The following UTP20 variants were observed in gnomAD, a reference collection of about 807,000 sequenced individuals.
The protein encoded by UTP20 is small subunit processome component 20 homolog.
Under a neutral mutation model 329.5 loss-of-function variants are expected in UTP20, and 164 were observed. The ratio of observed to expected loss-of-function variants is 0.50; its 90% CI spans 0.44 to 0.57. UTP20 has a LOEUF of 0.57. Among genes scored for constraint, UTP20 ranks in the 20% least tolerant of loss-of-function variants. The pLI is 0.00. For missense variants in UTP20, 3,055 were observed against 3,284.2 expected, an observed-to-expected ratio of 0.93 and a Z score of 1.71; for synonymous variants, 1,151 against 1,159.3, an observed-to-expected ratio of 0.99 and a Z score of 0.14.
intron 7 of UTP20, 104 bp from the exon 8 acceptor site, chr12:101,290,629 G>T: frequency 2.3e-6 from 3 of 1,314,066 alleles, no homozygotes; most frequent in South Asian, 1.7e-5. Context: ...GACTATTCCA[G>T]ACCTGATTTT....
intron 56 of UTP20, among the ~76,000 whole-genome samples, chr12:101,376,979 C>T: frequency 6.6e-6 from 1 of 152,048 alleles, no homozygotes; most frequent in Non-Finnish European, 1.5e-5. Flanking sequence ...ACAGGTTTCA[C>T]CATGTTAGCC....
Position 101,354,187 on chromosome 12 carries a change from A to G in UTP20, c.5108-645A>G, listed in dbSNP as rs536684536. 7.4e-5 allele frequency among the ~76,000 whole-genome samples: 11 copies of G among 148,524 alleles called. No individual in the cohort carries two copies. In the South Asian group the frequency reaches 1.7e-3, roughly 23 times the overall value. On this transcript the variant is annotated intron_variant, in intron 40 of 61. Coordinates refer to ENST00000261637, the MANE Select transcript of UTP20 (RefSeq NM_014503.3). ...TAAGGCATGAGAATTGCTTGAACCC[A>G]GGAGGCAGATGTTGCGGTAAGCTGA...
chr12:101,321,746 T>A, intron 25 of UTP20, 117 bp downstream of exon 25: 2 of 1,311,400 alleles, frequency 1.5e-6, no homozygotes, highest in Non-Finnish European at 2.0e-6. Context: ...TATTTTCTTT[T>A]GATTGCATTT....
Position 101,374,777 on chromosome 12 carries a change from T to C in UTP20, c.7132-31T>C, listed in dbSNP as rs559730418. The stretch of plus-strand genomic sequence containing the variant: ...TTCAGTAAAGGCCTCCCAAGTTCTC[T>C]TGACATTGTCTTGTGGTTTATTTTT... On this transcript the variant is annotated intron_variant, in intron 54 of 61. Transcript: ENST00000261637. 5 of 882,298 alleles carry C rather than the reference T, an allele frequency of 5.7e-6. No individual in the cohort carries two copies. In the South Asian group the frequency reaches 6.8e-5, roughly 12 times the overall value. The allele number at this position is 882,298 out of a possible 1,614,324, so 54.7% of individuals were successfully genotyped here. A position where few individuals can be genotyped will look rare whatever the true frequency, so the allele number is the denominator to read the frequency against.
In UTP20 at chr12:101,362,065, G is replaced by C; in HGVS notation, c.5790+5G>C. On this transcript the variant is annotated splice_donor_5th_base_variant and intron_variant, in intron 44 of 61. Transcript: ENST00000261637. ...TGTTTAGATATAATGATTGAGGTAA[G>C]ACTTACAGAAACGAATTCTAATTTT... is the stretch of plus-strand genomic sequence containing the variant. 3 of 1,605,770 alleles carry C rather than the reference G, an allele frequency of 1.9e-6. No individual in the cohort carries two copies.
intron 21 of UTP20, among the ~76,000 whole-genome samples, chr12:101,312,867 A>G (rs2137253708): frequency 6.6e-6 from 1 of 152,368 alleles, no homozygotes; most frequent in African/African-American, 2.4e-5. Flanking sequence ...TCAAAATTTA[A>G]CCAGCACACC....
chr12:101,383,003 A>AT (rs1565810637), intron 58 of UTP20, 38 bp from the exon 59 acceptor site: 1 of 1,559,192 alleles, frequency 6.4e-7, no homozygotes, highest in Non-Finnish European at 8.6e-7. Context: ...TTCAAAATCA[A>AT]TGTCCAATTT....
chr12:101,320,718 T>TA, intron 23 of UTP20, 134 bp from the exon 24 acceptor site: 1 of 570,090 alleles, frequency 1.8e-6, no homozygotes, highest in South Asian at 3.7e-5. Flanking sequence ...AAGCTGTTGT[T>TA]AGCAATCAGG....
intron 41 of UTP20, 32 bp downstream of exon 41, chr12:101,355,150 G>T (rs756405349): frequency 1.3e-6 from 2 of 1,592,322 alleles, no homozygotes; most frequent in Non-Finnish European, 8.6e-7. Flanking sequence ...CAGCAGGTCT[G>T]TGTGAATTCT....
rs1365558701 is a variant in UTP20 at position 101,342,490 on chromosome 12, G to C, written c.4146G>C (p.Lys1382Asn). Residue 1382 changes from lysine to asparagine, a missense_variant, in exon 33 of 62, where the codon AAG becomes AAC. By Grantham distance (94) the Lys-to-Asn change is moderately conservative. Transcript: ENST00000261637. ...TGGTGACAGTACAAAACTTGTTAAA[G>C]CATTGTGTGGACCCTACAAGCTTCC... ...DILVTVQNLL[K>N]HCVDPTSFLK... 1 of 1,612,490 alleles carries C rather than the reference G, an allele frequency of 6.2e-7. No individual in the cohort carries two copies.
intron 27 of UTP20, among the ~76,000 whole-genome samples, chr12:101,330,137 G>A (rs1868711694): frequency 1.3e-5 from 2 of 152,160 alleles, no homozygotes; most frequent in South Asian, 2.1e-4. Flanking sequence ...GTAAGACGAG[G>A]AAATATAATA....
At chr12:101,347,375 T>G (rs530984035) in intron 38 of UTP20, among the ~76,000 whole-genome samples, 14 of 151,992 alleles carry the variant, frequency 9.2e-5, no homozygotes, top group Non-Finnish European at 1.6e-4. Flanking sequence ...ATATAAAAAT[T>G]AGCCAGGCAT....
chr12:101,300,035 C>CTGT lies in UTP20; in HGVS notation c.1652_1654dup (p.Val551dup). 1 of 1,614,170 alleles carries CTGT rather than the reference C, an allele frequency of 6.2e-7. No homozygotes were observed. The highest frequency in any genetic ancestry group is 8.5e-7 in the Non-Finnish European group (1 of 1,180,006). Reference sequence around the variant, plus strand: ...GGCTTCATAGAGGCACTCTTCATGACTGTTGACAAAGGAAGCTTTGGGAAA... The same window carrying CTGT: ...GGCTTCATAGAGGCACTCTTCATGACTGTTGTTGACAAAGGAAGCTTTGGGAAA... On this transcript the variant is annotated inframe_insertion, in exon 14 of 62. Transcript: ENST00000261637.
At chr12:101,312,885 T>C (rs1565791168) in intron 21 of UTP20, among the ~76,000 whole-genome samples, 3 of 152,238 alleles carry the variant, frequency 2.0e-5, no homozygotes, top group African/African-American at 7.2e-5. Context: ...ACCAGTGGTA[T>C]TAATAAAAAA....
Position 101,365,491 on chromosome 12 carries a change from C to G in UTP20, c.5991C>G (p.Ala1997=), listed in dbSNP as rs1468449402. 1 of 1,609,134 alleles carries G rather than the reference C, an allele frequency of 6.2e-7. No homozygotes were observed. ...AAAATACCACGAGTTTGAAACTGGC[C>G]CGGAAAGTTCATGAAACTTTACGCC... ...ILQNTTSLKL[A]RKVHETLRRI... Residue 1997 remains alanine, a synonymous_variant, in exon 46 of 62, where the codon GCC becomes GCG. Coordinates refer to ENST00000261637, the MANE Select transcript of UTP20 (RefSeq NM_014503.3).
intron 43 of UTP20, among the ~76,000 whole-genome samples, chr12:101,361,290 C>T (rs745510324): frequency 7.9e-5 from 12 of 152,088 alleles, no homozygotes; most frequent in Non-Finnish European, 4.4e-5. Flanking sequence ...TCAACATGGG[C>T]AAGCTCCTTA....
Position 101,338,054 on chromosome 12 carries a change from T to G in UTP20, c.3645T>G (p.Tyr1215Ter). The G allele has an allele frequency of 6.2e-7, 1 of 1,614,076 alleles. No homozygotes were observed. The highest frequency in any genetic ancestry group is 8.5e-7 in the Non-Finnish European group (1 of 1,179,916). ...ACTACAATGTTTTTTCTTCCAGATA[T>G]TTCCCTTTGCTGGCTAAACAGAAGC... ...LISIWSRNARYFPLLAKQKPG... is the reference protein window; with the variant it reads ...LISIWSRNAR The change falls in exon 30 of 62, where the codon TAT becomes TAG. Residue 1215 changes from tyrosine to a stop codon, truncating the protein, a stop_gained. Transcript: ENST00000261637. LOFTEE classifies it high-confidence loss of function.
At chr12:101,286,242 A>G in intron 4 of UTP20, 79 bp from the exon 5 acceptor site, 2 of 1,282,022 alleles carry the variant, frequency 1.6e-6, no homozygotes, top group Non-Finnish European at 1.1e-6. Context: ...CTATGATCAT[A>G]GGCCACCTAC....
intron 57 of UTP20, 55 bp downstream of exon 57, chr12:101,379,613 G>A (rs747210155): frequency 1.2e-5 from 18 of 1,539,726 alleles, no homozygotes; most frequent in Admixed American, 1.9e-5. Flanking sequence ...TGTTCCTTCT[G>A]GTTCATGTAA....
Sources: allele counts gnomAD v4.1 joint callset (sites outside exome capture counted in the v4.1 genomes callset), GRCh38; gene constraint gnomAD v4.1.1; transcripts MANE v1.5; gene names NCBI Gene and HGNC (gene_info 2026-07-23, HGNC 2026-07-21).